PAPOLA: variants seen among roughly 807,000 people sequenced by gnomAD.
The protein encoded by PAPOLA is poly(A) polymerase alpha, also known as polynucleotide adenylyltransferase alpha.
PAPOLA carries 15 observed loss-of-function variants against 100.6 expected under a neutral mutation model. That is an observed-to-expected ratio of 0.15 (90% CI 0.10 to 0.23). The LOEUF is 0.23. Among genes scored for constraint, PAPOLA ranks in the 10% least tolerant of loss-of-function variants. The pLI is 1.00. For missense variants in PAPOLA, 533 were observed against 884.2 expected, an observed-to-expected ratio of 0.60 and a Z score of 5.04; for synonymous variants, 293 against 300.0, an observed-to-expected ratio of 0.98 and a Z score of 0.24.
At chr14:96,537,893 T>A (rs113596979) in intron 12 of PAPOLA, 124 of 152,132 alleles carry the variant, frequency 8.2e-4, no homozygotes, top group African/African-American at 2.8e-3. Flanking sequence ...AAAACAAGAA[T>A]GATGACCTTC....
At chr14:96,543,308 C>T (rs985673777) in intron 14 of PAPOLA, among the ~76,000 whole-genome samples, 11 of 151,912 alleles carry the variant, frequency 7.2e-5, no homozygotes, top group Non-Finnish European at 1.2e-4. Context: ...CTGATTTATG[C>T]GTGATTCTGG....
intron 12 of PAPOLA, among the ~76,000 whole-genome samples, chr14:96,538,158 T>A (rs1178260605): frequency 6.6e-6 from 1 of 152,018 alleles, no homozygotes; most frequent in South Asian, 2.1e-4. Flanking sequence ...GTAGATACTT[T>A]TAAAACTATG....
At chr14:96,516,123 C>A in intron 1 of PAPOLA, among the ~76,000 whole-genome samples, 1 of 152,290 alleles carries the variant, frequency 6.6e-6, no homozygotes, top group South Asian at 2.1e-4. Context: ...AATGGAAAAT[C>A]TTCACTTCCA....
chr14:96,532,306 G>GTTTT (rs562581383), intron 7 of PAPOLA, 25 bp from the exon 8 acceptor site: 236 of 1,250,176 alleles, frequency 1.9e-4, no homozygotes, highest in Admixed American at 1.3e-3. Context: ...GTGTGTGTGT[G>GTTTT]TTTTTTTTTA....
chr14:96,555,798 T>G, intron 17 of PAPOLA, 49 bp from the exon 18 acceptor site: 3 of 955,204 alleles, frequency 3.1e-6, no homozygotes, highest in Non-Finnish European at 4.7e-6. Flanking sequence ...TTTTTTTTTA[T>G]TTTTCTATTT....
intron 12 of PAPOLA, among the ~76,000 whole-genome samples, chr14:96,538,965 G>A (rs1299834807): frequency 6.6e-6 from 1 of 152,046 alleles, no homozygotes; most frequent in Non-Finnish European, 1.5e-5. Context: ...CAGAACCATG[G>A]AGAAAAATCT....
intron 1 of PAPOLA, among the ~76,000 whole-genome samples, chr14:96,511,120 A>G (rs1344751716): frequency 6.6e-6 from 1 of 152,244 alleles, no homozygotes; most frequent in Non-Finnish European, 1.5e-5. Context: ...TTTTAACTCT[A>G]TCATGCAAAT....
chr14:96,565,999 T>G lies in PAPOLA; in HGVS notation c.*949T>G, dbSNP rs1321960785. 5.0e-6 allele frequency: 2 copies of G among 397,638 alleles called. No homozygotes were observed. The highest frequency in any genetic ancestry group is 4.1e-5 in the African/African-American group (2 of 48,574). The allele number at this position is 397,638 out of a possible 1,614,324, so 24.6% of individuals were successfully genotyped here. A position where few individuals can be genotyped will look rare whatever the true frequency, so the allele number is the denominator to read the frequency against. ...TGACCACATGGCACAGAACACTAAA[T>G]TTTGGTCCCATGGCTGAAACTTGAG... On this transcript the variant is annotated 3_prime_UTR_variant, in exon 22 of 22. Transcript: ENST00000216277.
chr14:96,528,125 A>G (rs1294733128), intron 6 of PAPOLA, 119 bp downstream of exon 6: 23 of 657,594 alleles, frequency 3.5e-5, no homozygotes, highest in South Asian at 9.8e-5. Flanking sequence ...ATTAATAACA[A>G]TTAAGGCTTT....
chr14:96,550,673 A>G (rs1900775517), intron 16 of PAPOLA, among the ~76,000 whole-genome samples: 1 of 152,162 alleles, frequency 6.6e-6, no homozygotes, highest in African/African-American at 2.4e-5. Context: ...CATCTATCCA[A>G]ATTACATTTT....
At chr14:96,553,504 CCT>C (rs1351981797) in intron 17 of PAPOLA, 1 of 150,522 alleles carries the variant, frequency 6.6e-6, no homozygotes, top group Non-Finnish European at 1.5e-5. Context: ...AGAGTGAGAC[CCT>C]GTCTTAAAAA....
At position 96,520,157 on chromosome 14, in the gene PAPOLA, A is replaced by G. The variant is rs1897825814; in HGVS notation, c.111A>G (p.Val37=). The change falls in exon 2 of 22, where the codon GTA becomes GTG. Residue 37 remains valine, a synonymous_variant. Coordinates refer to ENST00000216277, the MANE Select transcript of PAPOLA (RefSeq NM_032632.5). The stretch of plus-strand genomic sequence containing the variant: ...CAGCCCCCAAGGAGACTGACTGCGT[A>G]CTTACACAGAAACTAATTGAGACAT... ...SLAAPKETDC[V]LTQKLIETLK... The G allele has an allele frequency of 3.1e-6, 5 of 1,614,026 alleles. No individual in the cohort carries two copies. Among genetic ancestry groups the G allele is most frequent in the Non-Finnish European group, 4.2e-6 (5 of 1,179,904 alleles).
At position 96,566,429 on chromosome 14, in the gene PAPOLA, C is replaced by T. The variant is rs1319658097; in HGVS notation, c.*1379C>T. ...GTTGATAAACTTACTCTTTCTGAAT[C>T]TGGACAAAGTCGACTTAACAGATTT... On this transcript the variant is annotated 3_prime_UTR_variant, in exon 22 of 22. Transcript: ENST00000216277. The T allele has an allele frequency of 1.3e-5, 2 of 152,674 alleles. No individual in the cohort carries two copies. The highest frequency in any genetic ancestry group is 6.5e-5 in the Admixed American group (1 of 15,276). The allele number at this position is 152,674 out of a possible 1,614,324, so 9.5% of individuals were successfully genotyped here.
Position 96,507,861 on chromosome 14 carries a change from A to G in PAPOLA, c.8+5261A>G, listed in dbSNP as rs189873506. 3.9e-5 allele frequency among the ~76,000 whole-genome samples: 6 copies of G among 151,986 alleles called. No homozygotes were observed. The East Asian group carries it at 9.7e-4, about 25-fold the overall frequency. On this transcript the variant is annotated intron_variant, in intron 1 of 21. Coordinates refer to ENST00000216277, the MANE Select transcript of PAPOLA (RefSeq NM_032632.5). ...TGGTGGTATGAGCTGTCCATGCAGC[A>G]CCTCTGGTGTTTTTTTGTTTTTCGT...
chr14:96,559,876 A>G (rs1901696937), intron 19 of PAPOLA, among the ~76,000 whole-genome samples: 1 of 151,988 alleles, frequency 6.6e-6, no homozygotes, highest in Non-Finnish European at 1.5e-5. Context: ...AGTACCGTAT[A>G]TTTGTCACAC....
chr14:96,526,499 A>AT (rs1898495233), intron 4 of PAPOLA: 1 of 152,190 alleles, frequency 6.6e-6, no homozygotes, highest in Admixed American at 6.5e-5. Context: ...TGCCTGGCTA[A>AT]TTTTTTAATT....
intron 4 of PAPOLA, chr14:96,525,973 T>C (rs992017763): frequency 6.6e-6 from 1 of 152,148 alleles, no homozygotes; most frequent in Non-Finnish European, 1.5e-5. Context: ...CAAAAATGAA[T>C]TCTAGCTTTT....
intron 10 of PAPOLA, chr14:96,535,592 C>T (rs1595532829): frequency 9.5e-7 from 1 of 1,048,364 alleles, no homozygotes; most frequent in East Asian, 6.7e-5. Flanking sequence ...AAAAACTAAA[C>T]ATCAATAGAT....
chr14:96,518,248 A>G (rs1333011151), intron 1 of PAPOLA, among the ~76,000 whole-genome samples: 9 of 152,238 alleles, frequency 5.9e-5, no homozygotes. Context: ...AGTAACACGC[A>G]GTATGGGCTT....
Sources: allele counts gnomAD v4.1 joint callset (sites outside exome capture counted in the v4.1 genomes callset), GRCh38; gene constraint gnomAD v4.1.1; transcripts MANE v1.5; gene names NCBI Gene and HGNC (gene_info 2026-07-23, HGNC 2026-07-21).